The following GPR158 variants were observed in gnomAD, a reference collection of about 807,000 sequenced individuals.
GPR158 encodes the protein metabotropic glycine receptor.
A neutral mutation model predicts 78.2 loss-of-function variants in GPR158; 30 were observed. The observed-to-expected ratio is 0.38, with a 90% CI of 0.29 to 0.52. The LOEUF (loss-of-function observed/expected upper bound fraction) is 0.52, where lower values mean the gene tolerates loss of function less well. Ranked by LOEUF, GPR158 falls within the 20% of genes least tolerant of loss-of-function variation. GPR158 has a pLI of 0.83. For missense variants in GPR158, 1,463 were observed against 1,523.5 expected (o/e 0.96, Z 0.66); for synonymous variants, 581 against 591.1 (o/e 0.98, Z 0.25).
chr10:25,534,194 C>T (rs186953564), intron 5 of GPR158, among the ~76,000 whole-genome samples: 1 of 152,212 alleles, frequency 6.6e-6, no homozygotes, highest in East Asian at 1.9e-4. Flanking sequence ...TGTTGTCATT[C>T]TTACTGAGAT....
Position 25,208,558 on chromosome 10 carries a change from TTGTGTGTGTG to T in GPR158, c.903-12456_903-12447del, listed in dbSNP as rs71399956. On this transcript the variant is annotated intron_variant, in intron 1 of 10. Transcript: ENST00000376351. ...TGAGATTCTTTGGTCCTATGTGAAT[TTGTGTGTGTG>T]TGTGTGTGTGTGTGTGTGTGTGTGT... 4.5e-3 allele frequency among the ~76,000 whole-genome samples: 607 copies of T among 135,238 alleles called. 4 individuals carry two copies. Among genetic ancestry groups the T allele is most frequent in the South Asian group, 0.011 (41 of 3,852 alleles). 88.7% of individuals were successfully genotyped at this position (135,238 alleles called of 152,430 possible). A position where few individuals can be genotyped will look rare whatever the true frequency, so the allele number is the denominator to read the frequency against.
At chr10:25,239,607 C>CAAAA (rs11394522) in intron 2 of GPR158, among the ~76,000 whole-genome samples, 3 of 137,770 alleles carry the variant, frequency 2.2e-5, no homozygotes, top group African/African-American at 8.0e-5. Context: ...GACTCTGTCT[C>CAAAA]AAAAAAAAAA....
intron 4 of GPR158, among the ~76,000 whole-genome samples, chr10:25,451,682 T>C (rs1835218815): frequency 6.6e-6 from 1 of 152,194 alleles, no homozygotes; most frequent in Admixed American, 6.5e-5. Context: ...TTTTTTAACC[T>C]CTCTAATCCT....
chr10:25,578,532 A>G (rs1425216189), intron 7 of GPR158, among the ~76,000 whole-genome samples: 1 of 152,234 alleles, frequency 6.6e-6, no homozygotes. Flanking sequence ...ATTGCTGGCC[A>G]TTTTATGAAA....
At chr10:25,239,875 A>G (rs575333532) in intron 2 of GPR158, among the ~76,000 whole-genome samples, 28 of 152,276 alleles carry the variant, frequency 1.8e-4, no homozygotes, top group African/African-American at 6.3e-4. Flanking sequence ...AGTATTTAAT[A>G]TATCTTATTT....
intron 2 of GPR158, among the ~76,000 whole-genome samples, chr10:25,323,067 G>T (rs190819551): frequency 1.3e-5 from 2 of 152,006 alleles, no homozygotes; most frequent in Non-Finnish European, 2.9e-5. Context: ...GGATGGTCTC[G>T]ATCTCCTGAC....
intron 2 of GPR158, among the ~76,000 whole-genome samples, chr10:25,328,418 TGTTA>T (rs1372936428): frequency 1.3e-5 from 2 of 152,182 alleles, no homozygotes; most frequent in Admixed American, 6.5e-5. Flanking sequence ...CTAATATTTA[TGTTA>T]GTTCCAATAT....
chr10:25,494,759 T>A (rs1835855901), intron 5 of GPR158, among the ~76,000 whole-genome samples: 1 of 152,236 alleles, frequency 6.6e-6, no homozygotes, highest in African/African-American at 2.4e-5. Flanking sequence ...ATTGTGCCTA[T>A]AAAGTGCATT....
chr10:25,205,708 G>T (rs1853017101), intron 1 of GPR158, among the ~76,000 whole-genome samples: 1 of 152,036 alleles, frequency 6.6e-6, no homozygotes, highest in South Asian at 2.1e-4. Context: ...TCAGAAGCAG[G>T]TTGTTTGCTT....
intron 5 of GPR158, among the ~76,000 whole-genome samples, chr10:25,549,165 C>A (rs188583056): frequency 6.6e-6 from 1 of 152,224 alleles, no homozygotes; most frequent in East Asian, 1.9e-4. Flanking sequence ...AGACTTCAGA[C>A]CCCCGTATGT....
At chr10:25,511,816 T>A (rs1417505256) in intron 5 of GPR158, among the ~76,000 whole-genome samples, 1 of 152,112 alleles carries the variant, frequency 6.6e-6, no homozygotes, top group African/African-American at 2.4e-5. Context: ...ATGTTTTTGT[T>A]TGATTTGTCG....
At chr10:25,458,663 A>G (rs1184180308) in intron 4 of GPR158, among the ~76,000 whole-genome samples, 1 of 152,232 alleles carries the variant, frequency 6.6e-6, no homozygotes, top group South Asian at 2.1e-4. Flanking sequence ...TATGACTCCC[A>G]TCTTATAAAT....
intron 5 of GPR158, among the ~76,000 whole-genome samples, chr10:25,538,483 T>A (rs1312439152): frequency 6.6e-6 from 1 of 152,060 alleles, no homozygotes; most frequent in African/African-American, 2.4e-5. Context: ...ACACAAATGT[T>A]TTGTTGTTGT....
chr10:25,378,527 C>G (rs1297265741), intron 2 of GPR158, among the ~76,000 whole-genome samples: 1 of 151,612 alleles, frequency 6.6e-6, no homozygotes, highest in Non-Finnish European at 1.5e-5. Context: ...CCACTATGCT[C>G]TTTTTTCCTC....
chr10:25,416,088 T>C (rs1834656227), intron 4 of GPR158, among the ~76,000 whole-genome samples: 1 of 152,072 alleles, frequency 6.6e-6, no homozygotes, highest in Admixed American at 6.6e-5. Context: ...TTTAAAAGAG[T>C]TAATGAAATA....
intron 2 of GPR158, among the ~76,000 whole-genome samples, chr10:25,268,787 G>T (rs1015576580): frequency 1.3e-5 from 2 of 152,138 alleles, no homozygotes; most frequent in Non-Finnish European, 2.9e-5. Context: ...TTCACAATGA[G>T]CACCACATAA....
At chr10:25,359,852 G>A (rs1213351004) in intron 2 of GPR158, among the ~76,000 whole-genome samples, 12 of 152,082 alleles carry the variant, frequency 7.9e-5, no homozygotes, top group Admixed American at 7.9e-4. Flanking sequence ...CTTTCACAAT[G>A]GTTTAACTAA....
At position 25,176,429 on chromosome 10, in the gene GPR158, C is replaced by T. The variant is rs370457226; in HGVS notation, c.902+107C>T. On this transcript the variant is annotated intron_variant, in intron 1 of 10. Transcript: ENST00000376351. The surrounding 1 kb of genome is among the most constrained non-coding windows in gnomAD (Gnocchi z 6.3). ...GGAACCCTTGGCTGTGACGCGAACG[C>T]TTCTCACCCTCAGAGTAGAGACCCG... 1.7e-5 allele frequency: 16 copies of T among 916,846 alleles called. No individual in the cohort carries two copies. Among genetic ancestry groups the T allele is most frequent in the East Asian group, 1.5e-4 (6 of 39,230 alleles). The allele number at this position is 916,846 out of a possible 1,614,324, so 56.8% of individuals were successfully genotyped here. A position where few individuals can be genotyped will look rare whatever the true frequency, so the allele number is the denominator to read the frequency against.
chr10:25,259,129 G>T (rs994515446), intron 2 of GPR158, among the ~76,000 whole-genome samples: 4 of 152,166 alleles, frequency 2.6e-5, no homozygotes, highest in Admixed American at 1.3e-4. Flanking sequence ...TGTCTCAAAA[G>T]TTGCAGAGGC....
Sources: allele counts gnomAD v4.1 joint callset (sites outside exome capture counted in the v4.1 genomes callset), GRCh38; gene constraint gnomAD v4.1.1; non-coding constraint Gnocchi (gnomAD v3.1); transcripts MANE v1.5; gene names NCBI Gene and HGNC (gene_info 2026-07-23, HGNC 2026-07-21).